Variants in ENTPD3 observed in about 807,000 individuals in gnomAD.
ENTPD3 encodes the protein CD39 antigen-like 3.
Under a neutral mutation model 51.2 loss-of-function variants are expected in ENTPD3, and 60 were observed. The ratio of observed to expected loss-of-function variants is 1.17; its 90% CI spans 0.95 to 1.45. The LOEUF is 1.45. ENTPD3 is among the 40% of genes most tolerant of loss of function. The pLI, the probability that ENTPD3 is intolerant of heterozygous loss-of-function variation, is 0.00. For synonymous variants in ENTPD3, 221 were observed against 238.4 expected, an observed-to-expected ratio of 0.93 and a Z score of 0.67; for missense variants, 593 against 641.1, an observed-to-expected ratio of 0.93 and a Z score of 0.81.
chr3:40,400,561 C>T (rs1955328468), intron 3 of ENTPD3, among the ~76,000 whole-genome samples: 2 of 152,036 alleles, frequency 1.3e-5, no homozygotes, highest in African/African-American at 4.8e-5. Flanking sequence ...CTTTTAAAAC[C>T]TGTTGATGCC....
At chr3:40,408,426 A>G (rs951334291) in intron 4 of ENTPD3, among the ~76,000 whole-genome samples, 2 of 152,246 alleles carry the variant, frequency 1.3e-5, no homozygotes, top group African/African-American at 4.8e-5. Context: ...AAATGAAAAT[A>G]AGATGGGCTG....
intron 8 of ENTPD3, 46 bp from the exon 9 acceptor site, chr3:40,423,245 T>C (rs539908725): frequency 6.4e-7 from 1 of 1,569,526 alleles, no homozygotes; most frequent in East Asian, 2.2e-5. Flanking sequence ...CTTTCTATTA[T>C]ACCCCATTCT....
At chr3:40,420,351 T>G (rs1955839864) in intron 7 of ENTPD3, among the ~76,000 whole-genome samples, 1 of 151,650 alleles carries the variant, frequency 6.6e-6, no homozygotes, top group South Asian at 2.1e-4. Context: ...TTCTCCTACC[T>G]CAGCCTCCCG....
chr3:40,399,300 C>CT (rs1248228902), intron 3 of ENTPD3, among the ~76,000 whole-genome samples: 2 of 152,124 alleles, frequency 1.3e-5, no homozygotes, highest in Non-Finnish European at 2.9e-5. Context: ...GTTTTCTTTT[C>CT]TGTTTTTCTT....
At chr3:40,405,788 T>C (rs1049018933) in intron 4 of ENTPD3, among the ~76,000 whole-genome samples, 1 of 152,166 alleles carries the variant, frequency 6.6e-6, no homozygotes, top group Non-Finnish European at 1.5e-5. Flanking sequence ...CTATCTCGCC[T>C]CTCACCAGCC....
At position 40,422,878 on chromosome 3, in the gene ENTPD3, A is replaced by G. The variant is rs1955907321; in HGVS notation, c.860A>G (p.Asn287Ser). ...TCTCCTACCAAAAACCATCTCACCA[A>G]TCCCTGTTACCCTCGGGATTATAGC... is the stretch of plus-strand genomic sequence containing the variant. ...QNSPTKNHLTNPCYPRDYSIS... is the reference protein window; with the variant it reads ...QNSPTKNHLTSPCYPRDYSIS... Residue 287 changes from asparagine (N) to serine (S), a missense_variant, in exon 8 of 11, where the codon AAT (asparagine) becomes AGT (serine). Physicochemically the swap from Asn to Ser is conservative, Grantham distance 46 (BLOSUM62 1). Coordinates refer to ENST00000301825, the MANE Select transcript of ENTPD3 (RefSeq NM_001248.4). 3.1e-6 allele frequency: 5 copies of G among 1,613,390 alleles called. No homozygotes were observed. Among genetic ancestry groups the G allele is most frequent in the Non-Finnish European group, 4.2e-6 (5 of 1,179,940 alleles).
intron 2 of ENTPD3, among the ~76,000 whole-genome samples, chr3:40,388,893 G>A (rs1408482328): frequency 6.6e-6 from 1 of 152,150 alleles, no homozygotes; most frequent in Non-Finnish European, 1.5e-5. Flanking sequence ...AAACACAGAA[G>A]ACTTAGGAGG....
At chr3:40,405,731 T>A (rs1032194042) in intron 4 of ENTPD3, among the ~76,000 whole-genome samples, 1 of 152,162 alleles carries the variant, frequency 6.6e-6, no homozygotes, top group Non-Finnish European at 1.5e-5. Flanking sequence ...TTAATGGACC[T>A]TATGCAAACA....
At position 40,413,562 on chromosome 3, in the gene ENTPD3, C is replaced by T. The variant is rs1454045875; in HGVS notation, c.438-1119C>T. ...AACAAAAACAAAACAAACAAACAAACAAAACAGCTCTTAAGAAACTGACTT... is the reference window on the plus strand; with the variant it reads ...AACAAAAACAAAACAAACAAACAAATAAAACAGCTCTTAAGAAACTGACTT... On this transcript the variant is annotated intron_variant, in intron 5 of 10. Transcript: ENST00000301825. 2.0e-5 allele frequency among the ~76,000 whole-genome samples: 3 copies of T among 152,198 alleles called. No homozygotes were observed. The South Asian group carries it at 6.2e-4, about 32-fold the overall frequency.
rs545869508 is a variant in ENTPD3, at chr3:40,424,843, C to T, written c.1353+880C>T. The T allele has an allele frequency of 6.6e-5, 46 of 698,574 alleles. No homozygotes were observed. The African/African-American group carries it at 7.0e-4, about 11-fold the overall frequency. 43.3% of individuals were successfully genotyped at this position (698,574 alleles called of 1,614,324 possible). On this transcript the variant is annotated intron_variant, in intron 10 of 10. Coordinates refer to ENST00000301825, the MANE Select transcript of ENTPD3 (RefSeq NM_001248.4). ...CAGCTTCAGCAATAATTAGATTAAACCAATCAATATCCTGCATTAGGCCTC... is the reference window on the plus strand; with the variant it reads ...CAGCTTCAGCAATAATTAGATTAAATCAATCAATATCCTGCATTAGGCCTC...
intron 4 of ENTPD3, among the ~76,000 whole-genome samples, chr3:40,409,335 T>G (rs1955575451): frequency 6.6e-6 from 1 of 152,234 alleles, no homozygotes; most frequent in Admixed American, 6.5e-5. Flanking sequence ...TTCTTACAGC[T>G]ACTTCAGTTC....
At chr3:40,422,724 A>G (rs1245305646) in intron 7 of ENTPD3, 126 bp from the exon 8 acceptor site, 1 of 726,418 alleles carries the variant, frequency 1.4e-6, no homozygotes, top group East Asian at 2.7e-5. Context: ...TCCATGGTGT[A>G]TATGTGCCAT....
At chr3:40,426,274 A>G (rs1559520527) in intron 10 of ENTPD3, among the ~76,000 whole-genome samples, 1 of 151,748 alleles carries the variant, frequency 6.6e-6, no homozygotes, top group Admixed American at 6.6e-5. Flanking sequence ...ATGCCTGGCT[A>G]ATTTTTGTAT....
intron 2 of ENTPD3, among the ~76,000 whole-genome samples, chr3:40,389,813 G>A (rs1955014352): frequency 6.6e-6 from 1 of 152,202 alleles, no homozygotes; most frequent in South Asian, 2.1e-4. Context: ...TGGGCGCATA[G>A]ACATGCCCTG....
intron 7 of ENTPD3, 134 bp from the exon 8 acceptor site, chr3:40,422,716 C>A (rs1030146920): frequency 1.8e-5 from 12 of 675,964 alleles, no homozygotes; most frequent in Non-Finnish European, 2.9e-5. Context: ...CATAGTATTC[C>A]ATGGTGTATA....
At chr3:40,424,538 C>T (rs1299179146) in intron 10 of ENTPD3, among the ~76,000 whole-genome samples, 1 of 151,894 alleles carries the variant, frequency 6.6e-6, no homozygotes, top group Non-Finnish European at 1.5e-5. Flanking sequence ...ATATTCTTAG[C>T]TCAGGGTTTA....
chr3:40,409,145 G>A (rs1266581902), intron 4 of ENTPD3, among the ~76,000 whole-genome samples: 3 of 151,884 alleles, frequency 2.0e-5, no homozygotes, highest in African/African-American at 7.3e-5. Flanking sequence ...CCAGCTACTC[G>A]GGAGGCTGAG....
chr3:40,407,112 G>A (rs968260869), intron 4 of ENTPD3, among the ~76,000 whole-genome samples: 1 of 152,126 alleles, frequency 6.6e-6, no homozygotes, highest in African/African-American at 2.4e-5. Flanking sequence ...CACTGGGAGT[G>A]GAGCATATTG....
intron 2 of ENTPD3, 77 bp downstream of exon 2, chr3:40,388,174 C>G: frequency 7.7e-7 from 1 of 1,306,220 alleles, no homozygotes; most frequent in South Asian, 1.2e-5. Flanking sequence ...TACAGTTTTT[C>G]ATCCATATCC....
Sources: gnomAD v4.1 joint callset for allele counts (sites outside exome capture counted in the v4.1 genomes callset) on GRCh38, gnomAD v4.1.1 for gene constraint, MANE v1.5 for transcripts, NCBI Gene and HGNC (gene_info 2026-07-23, HGNC 2026-07-21) for gene names.